GPC6: variants seen among roughly 807,000 people sequenced by gnomAD.
The protein encoded by GPC6 is glypican 6, also known as glypican-6.
A neutral mutation model predicts 55.2 loss-of-function variants in GPC6; 14 were observed. That is an observed-to-expected ratio of 0.25 (90% CI 0.17 to 0.40). The LOEUF is 0.40. Ranked by LOEUF, GPC6 falls within the 10% of genes least tolerant of loss-of-function variation. The probability of loss-of-function intolerance (pLI) is 1.00; values close to 1 mark genes in which losing one functional copy is unlikely to be tolerated. For missense variants in GPC6, 641 were observed against 708.5 expected, an observed-to-expected ratio of 0.90 and a Z score of 1.08; for synonymous variants, 278 against 259.6, an observed-to-expected ratio of 1.07 and a Z score of -0.68.
intron 2 of GPC6, among the ~76,000 whole-genome samples, chr13:93,599,311 G>C (rs916912143): frequency 6.7e-6 from 1 of 149,354 alleles, no homozygotes; most frequent in Non-Finnish European, 1.5e-5. Context: ...AGAGACATCA[G>C]AATCTTTATA....
At chr13:93,762,052 C>G (rs1016570200) in intron 2 of GPC6, among the ~76,000 whole-genome samples, 1 of 152,124 alleles carries the variant, frequency 6.6e-6, no homozygotes, top group African/African-American at 2.4e-5. Flanking sequence ...CCGTCAGCCT[C>G]TGGTAATCAC....
At chr13:94,259,734 C>A (rs1205777397) in intron 4 of GPC6, among the ~76,000 whole-genome samples, 1 of 152,190 alleles carries the variant, frequency 6.6e-6, no homozygotes, top group Non-Finnish European at 1.5e-5. Context: ...ATTCTAATTA[C>A]CTCACATAAC....
chr13:93,339,579 G>T (rs1052333679), intron 1 of GPC6, among the ~76,000 whole-genome samples: 3 of 152,306 alleles, frequency 2.0e-5, no homozygotes, highest in Non-Finnish European at 4.4e-5. Context: ...CTACACTGAG[G>T]TTAGGAACTG....
intron 6 of GPC6, among the ~76,000 whole-genome samples, chr13:94,320,863 A>C (rs1348480705): frequency 6.6e-6 from 1 of 152,250 alleles, no homozygotes; most frequent in Non-Finnish European, 1.5e-5. Flanking sequence ...GAAAATACAC[A>C]TGGAGGCATG....
chr13:93,649,827 C>T (rs544580529), intron 2 of GPC6, among the ~76,000 whole-genome samples: 1 of 152,270 alleles, frequency 6.6e-6, no homozygotes, highest in African/African-American at 2.4e-5. Flanking sequence ...GAAGCAACTC[C>T]TGTCATGTGG....
intron 2 of GPC6, among the ~76,000 whole-genome samples, chr13:93,697,909 G>A (rs1286741856): frequency 6.6e-6 from 1 of 152,084 alleles, no homozygotes; most frequent in African/African-American, 2.4e-5. Flanking sequence ...TGATTATCAT[G>A]TGCTGCTTTT....
chr13:94,086,804 T>A (rs530200176), intron 4 of GPC6, among the ~76,000 whole-genome samples: 2 of 152,290 alleles, frequency 1.3e-5, no homozygotes, highest in South Asian at 4.1e-4. Context: ...TTTAAAAAGC[T>A]TTTTCAGGAT....
At chr13:93,465,315 C>T (rs574473435) in intron 1 of GPC6, among the ~76,000 whole-genome samples, 3 of 152,296 alleles carry the variant, frequency 2.0e-5, no homozygotes, top group East Asian at 1.9e-4. Context: ...CTATAAAAGT[C>T]CTACATGGCA....
Position 93,830,303 on chromosome 13 carries a change from C to G in GPC6, c.469C>G (p.Leu157Val). The G allele has an allele frequency of 6.2e-7, 1 of 1,613,942 alleles. No individual in the cohort carries two copies. The highest frequency in any genetic ancestry group is 1.1e-5 in the South Asian group (1 of 91,070). The change falls in exon 3 of 9, where the codon CTG becomes GTG. Residue 157 changes from leucine (L) to valine (V), a missense_variant. Leu to Val is a conservative substitution (Grantham distance 32). Coordinates refer to ENST00000377047, the MANE Select transcript of GPC6 (RefSeq NM_005708.5). ...GTACTACACTGGGGGTAATGTGAAT[C>G]TGGAGGAAATGCTCAATGACTTTTG... ...KRYYTGGNVN[L>V]EEMLNDFWAR...
intron 2 of GPC6, among the ~76,000 whole-genome samples, chr13:93,606,633 A>T (rs2139532663): frequency 6.6e-6 from 1 of 152,294 alleles, no homozygotes; most frequent in East Asian, 1.9e-4. Context: ...TTATGAGTTG[A>T]TGTGATGGGA....
intron 4 of GPC6, among the ~76,000 whole-genome samples, chr13:94,160,891 T>G (rs1888139446): frequency 6.6e-6 from 1 of 152,228 alleles, no homozygotes; most frequent in Non-Finnish European, 1.5e-5. Context: ...CCCAGATGAC[T>G]CAATTGACAT....
intron 1 of GPC6, among the ~76,000 whole-genome samples, chr13:93,414,187 C>A (rs1876609589): frequency 6.6e-6 from 1 of 152,086 alleles, no homozygotes; most frequent in South Asian, 2.1e-4. Flanking sequence ...CTAGGTACTT[C>A]TGCTTTGTTC....
rs564205173 is a variant in GPC6, at chr13:93,482,089, A to C, written c.161-63174A>C. Among the ~76,000 whole-genome samples the C allele has an allele frequency of 4.6e-4, 70 of 152,196 alleles. No homozygotes were observed. In the South Asian group the frequency reaches 0.011, roughly 25 times the overall value. On this transcript the variant is annotated intron_variant, in intron 1 of 8. Coordinates refer to ENST00000377047, the MANE Select transcript of GPC6 (RefSeq NM_005708.5). The stretch of plus-strand genomic sequence containing the variant: ...TTTAGGTCTTTAATTTAGTTCAATA[A>C]TATTTTGTAAATTTCAGCGTACGCC...
At chr13:93,241,360 G>A (rs1235099173) in intron 1 of GPC6, among the ~76,000 whole-genome samples, 1 of 151,990 alleles carries the variant, frequency 6.6e-6, no homozygotes, top group African/African-American at 2.4e-5. Context: ...CTTTGTTTTT[G>A]TTCGGTTGGG....
chr13:93,452,325 G>A (rs1174943171), intron 1 of GPC6, among the ~76,000 whole-genome samples: 1 of 152,084 alleles, frequency 6.6e-6, no homozygotes, highest in Admixed American at 6.5e-5. Context: ...CACTTGTTCA[G>A]TTTGCTTAAA....
At chr13:93,369,397 G>T (rs764863465) in intron 1 of GPC6, among the ~76,000 whole-genome samples, 2 of 152,054 alleles carry the variant, frequency 1.3e-5, no homozygotes, top group Non-Finnish European at 2.9e-5. Context: ...TATATCAAAG[G>T]ATAAGTACAT....
the GPC6 span, among the ~76,000 whole-genome samples, chr13:93,216,895 C>T: frequency 6.6e-6 from 1 of 152,078 alleles, no homozygotes; most frequent in Non-Finnish European, 1.5e-5. Flanking sequence ...TTTCTTATAC[C>T]TGAGTTTGTG....
chr13:93,726,028 G>C (rs149717231), intron 2 of GPC6, among the ~76,000 whole-genome samples: 26 of 150,032 alleles, frequency 1.7e-4, no homozygotes, highest in African/African-American at 4.7e-4. Context: ...TTTATATTTA[G>C]ATATCCATAG....
chr13:93,932,993 T>C (rs1026917215), intron 3 of GPC6, among the ~76,000 whole-genome samples: 5 of 124,154 alleles, frequency 4.0e-5, no homozygotes, highest in South Asian at 2.6e-4. Flanking sequence ...TTTTTTTTTT[T>C]CTGGAGTTTC....
Sources: gnomAD v4.1 joint callset for allele counts (sites outside exome capture counted in the v4.1 genomes callset) on GRCh38, gnomAD v4.1.1 for gene constraint, MANE v1.5 for transcripts, NCBI Gene and HGNC (gene_info 2026-07-23, HGNC 2026-07-21) for gene names.